MAEA: variants seen among roughly 807,000 people sequenced by gnomAD.
The protein encoded by MAEA is macrophage erythroblast attacher, E3 ubiquitin ligase.
A neutral mutation model predicts 46.2 loss-of-function variants in MAEA; 22 were observed. That is an observed-to-expected ratio of 0.48 (90% CI 0.34 to 0.68). The LOEUF is 0.68. Ranked by LOEUF, MAEA falls within the 30% of genes least tolerant of loss-of-function variation. The pLI, the probability that MAEA is intolerant of heterozygous loss-of-function variation, is 0.01. For synonymous variants in MAEA, 246 were observed against 222.6 expected (o/e 1.11, Z -0.94); for missense variants, 393 against 558.1 (o/e 0.70, Z 2.98).
intron 1 of MAEA, 151 bp downstream of exon 1, chr4:1,290,133 C>T: frequency 3.4e-6 from 1 of 291,750 alleles, no homozygotes. Flanking sequence ...TCAGGGGCGC[C>T]CGGTCCGCGC....
In MAEA at chr4:1,339,426, G is replaced by A. The variant is rs1376314498; in HGVS notation, c.*257G>A. ...TGAAAAGTACTTTCAACTTGCGAAGGAAACTCTTCTTTAAAGACTGACCTA... is the reference window on the plus strand; with the variant it reads ...TGAAAAGTACTTTCAACTTGCGAAGAAAACTCTTCTTTAAAGACTGACCTA... On this transcript the variant is annotated 3_prime_UTR_variant, in exon 9 of 9. Coordinates refer to ENST00000303400, the MANE Select transcript of MAEA (RefSeq NM_001017405.3). 3 of 515,914 alleles carry A rather than the reference G, an allele frequency of 5.8e-6. No individual in the cohort carries two copies. The highest frequency in any genetic ancestry group is 2.5e-5 in the South Asian group (1 of 39,590). 32.0% of individuals were successfully genotyped at this position (515,914 alleles called of 1,614,324 possible). A position where few individuals can be genotyped will look rare whatever the true frequency, so the allele number is the denominator to read the frequency against.
intron 6 of MAEA, among the ~76,000 whole-genome samples, chr4:1,333,688 CCCACCGTGTGCTCACCCCCT>C: frequency 1.1e-5 from 1 of 89,192 alleles, no homozygotes; most frequent in South Asian, 4.0e-4. Flanking sequence ...CCACCCCATG[CCCACCGTGTGCTCACCCCCT>C]TGCCCACCCC....
chr4:1,325,158 C>G (rs1738644898), intron 4 of MAEA, among the ~76,000 whole-genome samples: 1 of 152,178 alleles, frequency 6.6e-6, no homozygotes, highest in Admixed American at 6.5e-5. Flanking sequence ...AGACTGTGCT[C>G]TAACGGGTCC....
At chr4:1,337,637 T>C (rs1712960266) in intron 7 of MAEA, 1 of 171,006 alleles carries the variant, frequency 5.8e-6, no homozygotes, top group South Asian at 9.6e-5. Context: ...TGACAGACTC[T>C]GCCCCTGCCT....
At chr4:1,296,462 C>G (rs1000342117) in intron 1 of MAEA, among the ~76,000 whole-genome samples, 115 of 145,402 alleles carry the variant, frequency 7.9e-4, no homozygotes, top group African/African-American at 2.9e-3. Context: ...GCCTGTGCCC[C>G]CCTCACCCGT....
chr4:1,334,413 T>C (rs1712474798), intron 6 of MAEA, among the ~76,000 whole-genome samples: 1 of 152,112 alleles, frequency 6.6e-6, no homozygotes, highest in Non-Finnish European at 1.5e-5. Flanking sequence ...TCTCAGGCGT[T>C]TGGGGCATCT....
intron 1 of MAEA, among the ~76,000 whole-genome samples, chr4:1,297,415 G>A (rs1488470027): frequency 2.0e-5 from 3 of 148,120 alleles, no homozygotes; most frequent in Non-Finnish European, 4.4e-5. Context: ...CAGAGCACGG[G>A]GCTGGCCATT....
At chr4:1,294,798 G>A (rs1734466866) in intron 1 of MAEA, among the ~76,000 whole-genome samples, 1 of 149,676 alleles carries the variant, frequency 6.7e-6, no homozygotes, top group Non-Finnish European at 1.5e-5. Flanking sequence ...GCAGGGGACG[G>A]GGGTGGGGCC....
intron 1 of MAEA, chr4:1,309,824 C>G (rs1736258085): frequency 7.3e-7 from 1 of 1,368,504 alleles, no homozygotes; most frequent in African/African-American, 1.5e-5. Context: ...TGCAGCACAC[C>G]AGCTGCCCGG....
intron 5 of MAEA, 32 bp downstream of exon 5, chr4:1,327,735 G>A (rs1210258801): frequency 6.3e-7 from 1 of 1,597,368 alleles, no homozygotes; most frequent in South Asian, 1.1e-5. Flanking sequence ...CTCCTCGAGG[G>A]AGGGCAGGAT....
chr4:1,335,568 G>C (rs1712643334), intron 6 of MAEA: 1 of 979,810 alleles, frequency 1.0e-6, no homozygotes. Flanking sequence ...ACAGTGTGTT[G>C]AAATCACAGA....
At chr4:1,320,719 G>A (rs1355572713) in intron 3 of MAEA, among the ~76,000 whole-genome samples, 7 of 151,786 alleles carry the variant, frequency 4.6e-5, no homozygotes, top group Admixed American at 1.3e-4. Flanking sequence ...GCAAGAAGAC[G>A]CTATGAAGGG....
chr4:1,302,143 A>G (rs558200830), intron 1 of MAEA, among the ~76,000 whole-genome samples: 1 of 152,394 alleles, frequency 6.6e-6, no homozygotes, highest in South Asian at 2.1e-4. Flanking sequence ...AACAAAATAT[A>G]GAAAGGATTA....
intron 2 of MAEA, among the ~76,000 whole-genome samples, chr4:1,313,611 C>T (rs978915434): frequency 2.6e-5 from 4 of 152,066 alleles, no homozygotes; most frequent in Non-Finnish European, 5.9e-5. Context: ...GTAGCCCCAG[C>T]AGATACTCAG....
chr4:1,332,980 C>G lies in MAEA; in HGVS notation c.765+115C>G. 3 of 659,916 alleles carry G rather than the reference C, an allele frequency of 4.5e-6. No individual in the cohort carries two copies. The East Asian group carries it at 9.3e-5, about 20-fold the overall frequency. 40.9% of individuals were successfully genotyped at this position (659,916 alleles called of 1,614,324 possible). A position where few individuals can be genotyped will look rare whatever the true frequency, so the allele number is the denominator to read the frequency against. ...GGACGTGAGGGCCCCATCCCAGCCA[C>G]ACAGCCTGTCCAGCCTGCCAAGACA... On this transcript the variant is annotated intron_variant, in intron 6 of 8. Coordinates refer to ENST00000303400, the MANE Select transcript of MAEA (RefSeq NM_001017405.3).
chr4:1,300,151 C>T (rs1399906510), intron 1 of MAEA, among the ~76,000 whole-genome samples: 1 of 152,130 alleles, frequency 6.6e-6, no homozygotes, highest in Non-Finnish European at 1.5e-5. Context: ...TTCACCATAA[C>T]CCAAAGCAGC....
At chr4:1,313,449 G>T (rs1736760328) in intron 2 of MAEA, among the ~76,000 whole-genome samples, 1 of 152,204 alleles carries the variant, frequency 6.6e-6, no homozygotes, top group Non-Finnish European at 1.5e-5. Flanking sequence ...ACAGAAGCAG[G>T]CTGGGCGCGG....
chr4:1,337,849 A>G (rs1471324927), intron 7 of MAEA: 1 of 172,454 alleles, frequency 5.8e-6, no homozygotes, highest in Non-Finnish European at 1.3e-5. Context: ...CCCACCTGTG[A>G]CTGACTCTGT....
chr4:1,312,714 C>T (rs186299348), intron 2 of MAEA: 1 of 157,496 alleles, frequency 6.3e-6, no homozygotes, highest in Non-Finnish European at 1.4e-5. Context: ...AGGTGTAAGC[C>T]ACTGCACGCG....
Sources: gnomAD v4.1 joint callset for allele counts (sites outside exome capture counted in the v4.1 genomes callset) on GRCh38, gnomAD v4.1.1 for gene constraint, MANE v1.5 for transcripts, NCBI Gene and HGNC (gene_info 2026-07-23, HGNC 2026-07-21) for gene names.